The following SLC35D1 variants were observed in gnomAD, a reference collection of about 807,000 sequenced individuals.
SLC35D1 encodes solute carrier family 35 member D1.
A neutral mutation model predicts 46.7 loss-of-function variants in SLC35D1; 31 were observed. The observed-to-expected ratio is 0.66, with a 90% CI of 0.50 to 0.90. The LOEUF is 0.90. SLC35D1 is among the 40% of genes least tolerant of loss of function. The pLI is 0.00. For synonymous variants in SLC35D1, 195 were observed against 164.6 expected (o/e 1.18, Z -1.41); for missense variants, 397 against 426.2 (o/e 0.93, Z 0.60).
intron 9 of SLC35D1, among the ~76,000 whole-genome samples, chr1:67,021,100 G>C (rs1667788578): frequency 6.6e-6 from 1 of 152,170 alleles, no homozygotes; most frequent in Admixed American, 6.5e-5. Context: ...AGGCACGTTT[G>C]CAGGTATCCT....
chr1:67,038,395 A>G (rs1040764176), intron 8 of SLC35D1, among the ~76,000 whole-genome samples: 1 of 152,204 alleles, frequency 6.6e-6, no homozygotes, highest in Non-Finnish European at 1.5e-5. Context: ...AGCCAGTGAT[A>G]TAATGGAGAC....
chr1:67,010,373 A>G (rs1667539860), intron 10 of SLC35D1, among the ~76,000 whole-genome samples: 1 of 152,120 alleles, frequency 6.6e-6, no homozygotes, highest in Non-Finnish European at 1.5e-5. Context: ...GAAAAAAGGG[A>G]ATGGTGGGGA....
intron 9 of SLC35D1, 120 bp from the exon 10 acceptor site, chr1:67,020,567 C>G (rs1667776032): frequency 2.7e-6 from 2 of 734,606 alleles, no homozygotes; most frequent in African/African-American, 3.5e-5. Context: ...TATGAATTTT[C>G]CCCACCTCAC....
chr1:66,974,408 C>T, the SLC35D1 span, among the ~76,000 whole-genome samples: 24 of 151,486 alleles, frequency 1.6e-4, no homozygotes, highest in African/African-American at 5.6e-4. Context: ...TTGAAAGGGA[C>T]AACATTTTTG....
chr1:67,002,798 C>G lies in SLC35D1; in HGVS notation c.*1542G>C, dbSNP rs917848115. On this transcript the variant is annotated 3_prime_UTR_variant, in exon 12 of 12. Coordinates refer to ENST00000235345, the MANE Select transcript of SLC35D1 (RefSeq NM_015139.3). Reference sequence around the variant, plus strand: ...GATTCCAAACCCAATGAAATAGACACTGGTGTGTGCATTAGTGCAAAGGTA... The same window carrying G: ...GATTCCAAACCCAATGAAATAGACAGTGGTGTGTGCATTAGTGCAAAGGTA... 3.3e-5 allele frequency: 5 copies of G among 152,358 alleles called. No homozygotes were observed. Among genetic ancestry groups the G allele is most frequent in the Admixed American group, 2.6e-4 (4 of 15,278 alleles). 9.4% of individuals were successfully genotyped at this position (152,358 alleles called of 1,614,324 possible).
chr1:66,997,405 G>C (rs1360286366), downstream of SLC35D1, among the ~76,000 whole-genome samples: 1 of 150,564 alleles, frequency 6.6e-6, no homozygotes, highest in Non-Finnish European at 1.5e-5. Flanking sequence ...CAGGAGGCTA[G>C]GGTAGGAGAA....
intron 8 of SLC35D1, 149 bp downstream of exon 8, chr1:67,042,087 G>A: frequency 2.6e-6 from 2 of 769,428 alleles, no homozygotes; most frequent in Admixed American, 2.0e-5. Context: ...AAAGAGGTTA[G>A]CATGACATTA....
intron 8 of SLC35D1, among the ~76,000 whole-genome samples, chr1:67,038,788 G>A (rs1346951108): frequency 6.6e-6 from 1 of 151,592 alleles, no homozygotes; most frequent in African/African-American, 2.4e-5. Flanking sequence ...CTTGGTTTCT[G>A]GTAAACCCAG....
chr1:66,984,472 C>T, the SLC35D1 span: 7 of 856,742 alleles, frequency 8.2e-6, no homozygotes, highest in South Asian at 1.1e-4. Context: ...GTATTTGATA[C>T]CTTGCTTCCT....
intron 7 of SLC35D1, among the ~76,000 whole-genome samples, chr1:67,043,537 C>T (rs2102350160): frequency 6.6e-6 from 1 of 152,118 alleles, no homozygotes; most frequent in South Asian, 2.1e-4. Context: ...AGAGCAAGAC[C>T]CTGGCTCAAA....
At chr1:67,020,547 A>C in intron 9 of SLC35D1, 100 bp from the exon 10 acceptor site, 3 of 837,006 alleles carry the variant, frequency 3.6e-6, no homozygotes, top group Non-Finnish European at 6.2e-6. Flanking sequence ...CATTCTAGTC[A>C]CTGACCAGCT....
Position 67,039,223 on chromosome 1 carries a change from C to A in SLC35D1, c.729+3013G>T, listed in dbSNP as rs201039017. On this transcript the variant is annotated intron_variant, in intron 8 of 11. Coordinates refer to ENST00000235345, the MANE Select transcript of SLC35D1 (RefSeq NM_015139.3). The stretch of plus-strand genomic sequence containing the variant: ...GTCTGCAACTTAGGATAATAAAAAA[C>A]TGACTTGCCATGTCCCCAGTTATTT... Among the ~76,000 whole-genome samples, 9 of 152,218 alleles carry A rather than the reference C, an allele frequency of 5.9e-5. No homozygotes were observed. In the East Asian group the frequency reaches 1.7e-3, roughly 29 times the overall value.
At position 67,052,943 on chromosome 1, in the gene SLC35D1, G is replaced by C; in HGVS notation, c.237+13C>G. On this transcript the variant is annotated intron_variant, in intron 2 of 11. Transcript: ENST00000235345. ...ACAACATAAACCACGTAATGGTGAG[G>C]ATTCCAACTAACCTGGCCAAGTCCA... The C allele has an allele frequency of 1.2e-6, 2 of 1,614,092 alleles. No individual in the cohort carries two copies. The highest frequency in any genetic ancestry group is 1.7e-6 in the Non-Finnish European group (2 of 1,180,032).
rs945351192 is a variant in SLC35D1, at chr1:67,000,919, G to A, written c.*3421C>T. ...TAAAAAAATGCTTTAGCTCTGTGGG[G>A]CGTCCCTAAAATCAGTGATACTCAT... On this transcript the variant is annotated 3_prime_UTR_variant, in exon 12 of 12. Coordinates refer to ENST00000235345, the MANE Select transcript of SLC35D1 (RefSeq NM_015139.3). 6.6e-6 allele frequency: 1 copy of A among 152,260 alleles called. No individual in the cohort carries two copies. The highest frequency in any genetic ancestry group is 2.4e-5 in the African/African-American group (1 of 41,420). The allele number at this position is 152,260 out of a possible 1,614,324, so 9.4% of individuals were successfully genotyped here.
downstream of SLC35D1, among the ~76,000 whole-genome samples, chr1:66,996,989 A>T (rs1342980542): frequency 2.6e-5 from 4 of 152,220 alleles, no homozygotes; most frequent in African/African-American, 9.6e-5. Flanking sequence ...ACAGAAATTC[A>T]CTCAAAATGT....
chr1:67,046,570 T>C (rs920838924), intron 7 of SLC35D1, among the ~76,000 whole-genome samples: 2 of 152,228 alleles, frequency 1.3e-5, no homozygotes, highest in Admixed American at 1.3e-4. Flanking sequence ...CATTATGATA[T>C]CAAGGACAAT....
intron 6 of SLC35D1, among the ~76,000 whole-genome samples, chr1:67,049,243 G>A (rs1028884515): frequency 2.0e-5 from 3 of 151,332 alleles, no homozygotes; most frequent in Non-Finnish European, 2.9e-5. Flanking sequence ...GCAGTGAGCC[G>A]AGAGCCCACT....
At chr1:67,048,285 A>T (rs1645271486) in intron 6 of SLC35D1, among the ~76,000 whole-genome samples, 2 of 152,214 alleles carry the variant, frequency 1.3e-5, no homozygotes, top group Admixed American at 6.5e-5. Context: ...GCTGGTCCAG[A>T]CAGTAATCCT....
intron 8 of SLC35D1, 59 bp from the exon 9 acceptor site, chr1:67,021,661 T>C: frequency 6.5e-7 from 1 of 1,544,966 alleles, no homozygotes; most frequent in Non-Finnish European, 8.9e-7. Context: ...AGCTATCCCG[T>C]TTTAATGTAA....
Sources: gnomAD v4.1 joint callset for allele counts (sites outside exome capture counted in the v4.1 genomes callset) on GRCh38, gnomAD v4.1.1 for gene constraint, MANE v1.5 for transcripts, NCBI Gene and HGNC (gene_info 2026-07-23, HGNC 2026-07-21) for gene names.